The following AGMO variants were observed in gnomAD, a reference collection of about 807,000 sequenced individuals.
The protein encoded by AGMO is alkylglycerol monooxygenase, also known as glyceryl-ether monooxygenase.
A neutral mutation model predicts 60.2 loss-of-function variants in AGMO; 75 were observed. The observed-to-expected ratio is 1.25, with a 90% CI of 1.03 to 1.51. AGMO has a LOEUF of 1.51. Among genes scored for constraint, AGMO ranks in the 40% most tolerant of loss-of-function variants. AGMO has a pLI of 0.00. For synonymous variants in AGMO, 261 were observed against 177.1 expected, an observed-to-expected ratio of 1.47 and a Z score of -3.76; for missense variants, 763 against 525.5, an observed-to-expected ratio of 1.45 and a Z score of -4.42.
intron 12 of AGMO, among the ~76,000 whole-genome samples, chr7:15,354,617 T>TAC (rs893765754): frequency 1.1e-4 from 16 of 143,850 alleles, no homozygotes; most frequent in African/African-American, 4.0e-4. Context: ...AGAAAGACTA[T>TAC]ACCCTTATAT....
chr7:15,416,194 C>CA (rs1490660483), intron 5 of AGMO, among the ~76,000 whole-genome samples: 1 of 151,726 alleles, frequency 6.6e-6, no homozygotes, highest in Non-Finnish European at 1.5e-5. Context: ...CCACCACACC[C>CA]AACTAATTTT....
chr7:15,545,059 A>C lies in AGMO; in HGVS notation c.258-136T>G, dbSNP rs114418157. ...CTCTTTCTTCTACTTTGTGTCTTCT[A>C]TGTCATTCCTTTTAAAGGCTCAAAT... is the stretch of plus-strand genomic sequence containing the variant. On this transcript the variant is annotated intron_variant, in intron 2 of 12. Transcript: ENST00000342526. The C allele has an allele frequency of 4.4e-3, 2,523 of 578,566 alleles. 36 individuals are homozygous for C. The African/African-American group carries it at 0.044, about 10-fold the overall frequency. The allele number at this position is 578,566 out of a possible 1,614,324, so 35.8% of individuals were successfully genotyped here.
At position 15,529,520 on chromosome 7, in the gene AGMO, C is replaced by T. The variant is rs1314987951; in HGVS notation, c.409+15252G>A. ...TCTAGTTCTTAGACTAGAATCTGTT[C>T]TTAGACTAGAATATATATATATTCT... On this transcript the variant is annotated intron_variant, in intron 3 of 12. Coordinates refer to ENST00000342526, the MANE Select transcript of AGMO (RefSeq NM_001004320.2). Among the ~76,000 whole-genome samples, 41 of 104,014 alleles carry T rather than the reference C, an allele frequency of 3.9e-4. 1 individual carries two copies. The Admixed American group carries it at 4.1e-3, about 10-fold the overall frequency. The allele number at this position is 104,014 out of a possible 152,430, so 68.2% of individuals were successfully genotyped here. A position where few individuals can be genotyped will look rare whatever the true frequency, so the allele number is the denominator to read the frequency against.
At chr7:15,161,691 A>G in the AGMO span, among the ~76,000 whole-genome samples, 1 of 151,200 alleles carries the variant, frequency 6.6e-6, no homozygotes, top group Non-Finnish European at 1.5e-5. Context: ...GTATATGTAT[A>G]TATGTGTGTG....
intron 3 of AGMO, among the ~76,000 whole-genome samples, chr7:15,485,770 C>T (rs1727488956): frequency 6.6e-6 from 1 of 151,792 alleles, no homozygotes; most frequent in African/African-American, 2.4e-5. Flanking sequence ...TCTCCCTGCT[C>T]TTAAGATCAA....
the AGMO span, among the ~76,000 whole-genome samples, chr7:15,162,420 T>C: frequency 1.3e-5 from 2 of 152,122 alleles, no homozygotes; most frequent in Admixed American, 6.6e-5. Flanking sequence ...TGACCAGGCA[T>C]GGTAGTTCAT....
At chr7:15,539,573 G>C (rs1002265531) in intron 3 of AGMO, among the ~76,000 whole-genome samples, 2 of 151,986 alleles carry the variant, frequency 1.3e-5, no homozygotes, top group South Asian at 4.1e-4. Flanking sequence ...CCATGTCTTT[G>C]CTATTGTGAA....
chr7:15,384,207 G>C (rs753967809), intron 10 of AGMO, among the ~76,000 whole-genome samples: 2 of 152,150 alleles, frequency 1.3e-5, no homozygotes, highest in East Asian at 1.9e-4. Flanking sequence ...AAAGTGCTGG[G>C]ATTACAGGCA....
chr7:15,517,844 G>C (rs1350723483), intron 3 of AGMO, among the ~76,000 whole-genome samples: 5 of 152,234 alleles, frequency 3.3e-5, no homozygotes, highest in Admixed American at 2.6e-4. Flanking sequence ...CCTGGAAAGG[G>C]AGCTGAAGCC....
intron 12 of AGMO, among the ~76,000 whole-genome samples, chr7:15,257,085 A>G (rs1340434932): frequency 2.0e-5 from 3 of 152,168 alleles, no homozygotes; most frequent in African/African-American, 7.2e-5. Flanking sequence ...TATTTTTGGC[A>G]TATGTTTTTG....
At chr7:15,193,377 T>C in the AGMO span, among the ~76,000 whole-genome samples, 1 of 152,200 alleles carries the variant, frequency 6.6e-6, no homozygotes, top group Non-Finnish European at 1.5e-5. Context: ...ATTTGTCTTA[T>C]TTATTACTTG....
the AGMO span, among the ~76,000 whole-genome samples, chr7:15,135,196 G>A: frequency 5.1e-3 from 767 of 151,694 alleles, 9 homozygotes; most frequent in African/African-American, 0.017. Context: ...GTGTGTCTGC[G>A]TGTGTGTGGC....
Position 15,307,219 on chromosome 7 carries a change from C to CT in AGMO, c.1263+58294_1263+58295insA, listed in dbSNP as rs532568192. ...GGACATAATTTATATTCCCTTATGA[C>CT]AGACTGTTCTGCGGCCATAAAACGT... is the stretch of plus-strand genomic sequence containing the variant. On this transcript the variant is annotated intron_variant, in intron 12 of 12. Coordinates refer to ENST00000342526, the MANE Select transcript of AGMO (RefSeq NM_001004320.2). Among the ~76,000 whole-genome samples, 5 of 152,058 alleles carry CT rather than the reference C, an allele frequency of 3.3e-5. No individual in the cohort carries two copies. The East Asian group carries it at 9.7e-4, about 29-fold the overall frequency.
chr7:15,376,553 TATC>T (rs1267677488), intron 10 of AGMO, among the ~76,000 whole-genome samples: 3 of 152,100 alleles, frequency 2.0e-5, no homozygotes, highest in Non-Finnish European at 4.4e-5. Flanking sequence ...ACTTGAAATA[TATC>T]ATCAAAGTAA....
the AGMO span, among the ~76,000 whole-genome samples, chr7:15,137,766 G>A: frequency 2.6e-5 from 4 of 152,152 alleles, no homozygotes; most frequent in African/African-American, 9.7e-5. Context: ...ATAGGTAAGG[G>A]AATGTCAGTG....
At chr7:15,431,937 A>G (rs1020994528) in intron 3 of AGMO, among the ~76,000 whole-genome samples, 2 of 151,796 alleles carry the variant, frequency 1.3e-5, no homozygotes, top group African/African-American at 4.8e-5. Flanking sequence ...AGAATAGCCC[A>G]AGTCATTTTT....
the AGMO span, among the ~76,000 whole-genome samples, chr7:15,174,871 A>G: frequency 6.6e-6 from 1 of 152,076 alleles, no homozygotes; most frequent in African/African-American, 2.4e-5. Context: ...CAAATGATAA[A>G]AAAAATTCAG....
chr7:15,365,347 G>T (rs1200882302), intron 12 of AGMO, among the ~76,000 whole-genome samples, 167 bp downstream of exon 12: 1 of 88,938 alleles, frequency 1.1e-5, no homozygotes, highest in Admixed American at 1.2e-4. Context: ...ATATTAACTA[G>T]CTCAGATGAC....
In AGMO at chr7:15,284,688, T is replaced by C. The variant is rs1036005010; in HGVS notation, c.1263+80826A>G. The stretch of plus-strand genomic sequence containing the variant: ...ACCCTGCTGGAACTAGTCCAAAAGA[T>C]TCAGAAGGATAGAATCCTCCCTAAC... On this transcript the variant is annotated intron_variant, in intron 12 of 12. Transcript: ENST00000342526. Among the ~76,000 whole-genome samples the C allele has an allele frequency of 6.6e-5, 10 of 151,910 alleles. No homozygotes were observed. The East Asian group carries it at 1.6e-3, about 24-fold the overall frequency.
Sources: allele counts gnomAD v4.1 joint callset (sites outside exome capture counted in the v4.1 genomes callset), GRCh38; gene constraint gnomAD v4.1.1; transcripts MANE v1.5; gene names NCBI Gene and HGNC (gene_info 2026-07-23, HGNC 2026-07-21).